The following CPNE4 variants were observed in gnomAD, a reference collection of about 807,000 sequenced individuals.
CPNE4 encodes the protein copine 4.
Under a neutral mutation model 67.9 loss-of-function variants are expected in CPNE4, and 25 were observed. That is an observed-to-expected ratio of 0.37 (90% CI 0.27 to 0.51). CPNE4 has a LOEUF of 0.51. Ranked by LOEUF, CPNE4 falls within the 20% of genes least tolerant of loss-of-function variation. CPNE4 has a pLI of 0.93. For synonymous variants in CPNE4, 242 were observed against 244.9 expected (o/e 0.99, Z 0.11); for missense variants, 464 against 690.8 (o/e 0.67, Z 3.68).
At chr3:131,973,618 G>T (rs1307017906) in intron 1 of CPNE4, among the ~76,000 whole-genome samples, 1 of 152,100 alleles carries the variant, frequency 6.6e-6, no homozygotes, top group Non-Finnish European at 1.5e-5. Flanking sequence ...TGGCAGAGCT[G>T]GTATTCAAAC....
In CPNE4 at chr3:131,905,309, G is replaced by A. The variant is rs1473802032; in HGVS notation, c.135C>T (p.Asp45=). The change falls in exon 2 of 16, where the codon GAC becomes GAT. Residue 45 remains aspartate (D), a synonymous_variant. Coordinates refer to ENST00000429747, the MANE Select transcript of CPNE4 (RefSeq NM_130808.3). ...ACTGCATCTTGAGGATGACACAGGGGTCTGGTTTGGAAAGGGCATCTCTGT... is the reference window on the plus strand; with the variant it reads ...ACTGCATCTTGAGGATGACACAGGGATCTGGTTTGGAAAGGGCATCTCTGT... ...ISDRDALSKP[D]PCVILKMQSH... 1.2e-6 allele frequency: 2 copies of A among 1,613,418 alleles called. No individual in the cohort carries two copies. The highest frequency in any genetic ancestry group is 2.7e-5 in the African/African-American group (2 of 74,862).
intron 2 of CPNE4, among the ~76,000 whole-genome samples, chr3:131,860,912 C>T (rs774787342): frequency 4.1e-4 from 62 of 152,204 alleles, no homozygotes; most frequent in Middle Eastern, 3.4e-3. Context: ...GTGCTCTGTC[C>T]GACTTCTGGA....
chr3:131,931,161 G>A (rs949218781), intron 1 of CPNE4, among the ~76,000 whole-genome samples: 1 of 152,086 alleles, frequency 6.6e-6, no homozygotes, highest in African/African-American at 2.4e-5. Flanking sequence ...AACAAAACTT[G>A]CTCTCCCGAT....
At position 131,555,229 on chromosome 3, in the gene CPNE4, G is replaced by C. The variant is rs12106986; in HGVS notation, c.1116+268C>G. Among the ~76,000 whole-genome samples the C allele has an allele frequency of 0.079, 11,947 of 152,010 alleles. 1,582 individuals carry two copies. Among genetic ancestry groups the C allele is most frequent in the African/African-American group, 0.27 (11,263 of 41,434 alleles). On this transcript the variant is annotated intron_variant, in intron 12 of 15. Coordinates refer to ENST00000429747, the MANE Select transcript of CPNE4 (RefSeq NM_130808.3). ...GATCAACTTCTTGAGTGTTTTCTCA[G>C]ACTCTGACCACATTTATAAGAAACT...
intron 2 of CPNE4, among the ~76,000 whole-genome samples, chr3:131,776,993 G>A (rs1309531295): frequency 6.6e-6 from 1 of 152,134 alleles, no homozygotes; most frequent in African/African-American, 2.4e-5. Flanking sequence ...GCTCAGGGAA[G>A]TTGGCTAGTG....
intron 4 of CPNE4, among the ~76,000 whole-genome samples, chr3:131,698,744 T>A (rs142944932): frequency 6.6e-6 from 1 of 151,472 alleles, no homozygotes; most frequent in East Asian, 1.9e-4. Flanking sequence ...ACTCCATCTC[T>A]ACTAAAAATA....
intron 1 of CPNE4, among the ~76,000 whole-genome samples, chr3:131,964,100 C>T (rs1044174102): frequency 6.6e-6 from 1 of 152,114 alleles, no homozygotes; most frequent in Non-Finnish European, 1.5e-5. Context: ...GAGTGGGCCT[C>T]CAGCAAACTT....
At chr3:131,850,589 T>C (rs955472166) in intron 2 of CPNE4, among the ~76,000 whole-genome samples, 6 of 152,144 alleles carry the variant, frequency 3.9e-5, no homozygotes, top group Non-Finnish European at 8.8e-5. Flanking sequence ...TGTGGAAGAA[T>C]AGCCATTTAG....
intron 2 of CPNE4, among the ~76,000 whole-genome samples, chr3:131,816,014 G>A (rs1041626678): frequency 1.3e-5 from 2 of 152,186 alleles, no homozygotes; most frequent in Admixed American, 6.6e-5. Context: ...TCTTCCCATA[G>A]TTAGCTTGGC....
At chr3:131,634,229 T>C (rs1030463117) in intron 7 of CPNE4, among the ~76,000 whole-genome samples, 1 of 152,182 alleles carries the variant, frequency 6.6e-6, no homozygotes, top group Non-Finnish European at 1.5e-5. Flanking sequence ...CCTTCAGGTA[T>C]TGGAAACACA....
At chr3:131,536,639 T>C (rs1420129350) in intron 15 of CPNE4, among the ~76,000 whole-genome samples, 1 of 152,248 alleles carries the variant, frequency 6.6e-6, no homozygotes, top group Non-Finnish European at 1.5e-5. Flanking sequence ...TCACAGAGTC[T>C]CAAAATAAGA....
chr3:131,862,486 A>G (rs1025043539), intron 2 of CPNE4, among the ~76,000 whole-genome samples: 10 of 152,008 alleles, frequency 6.6e-5, no homozygotes, highest in Non-Finnish European at 1.5e-5. Context: ...TTCTCCCCCA[A>G]CTAATCTACC....
intron 7 of CPNE4, among the ~76,000 whole-genome samples, chr3:131,590,539 T>C (rs60178009): frequency 0.025 from 3,829 of 152,278 alleles, 83 homozygotes; most frequent in African/African-American, 0.065. Context: ...AGTACTATCG[T>C]AGGAATAGGC....
intron 9 of CPNE4, among the ~76,000 whole-genome samples, chr3:131,579,627 T>C (rs1937658345): frequency 6.6e-6 from 1 of 152,164 alleles, no homozygotes; most frequent in African/African-American, 2.4e-5. Flanking sequence ...TCAACACTAA[T>C]AGGAGTTTGG....
chr3:131,856,523 T>G (rs955090647), intron 2 of CPNE4, among the ~76,000 whole-genome samples: 3 of 151,994 alleles, frequency 2.0e-5, no homozygotes, highest in African/African-American at 7.2e-5. Context: ...CAGAATATAA[T>G]GAATATTTGC....
intron 13 of CPNE4, among the ~76,000 whole-genome samples, chr3:131,550,742 C>A (rs1192565366): frequency 6.6e-6 from 1 of 152,058 alleles, no homozygotes; most frequent in Non-Finnish European, 1.5e-5. Flanking sequence ...AGCAAAGTGG[C>A]TGATATACTC....
At chr3:131,658,487 C>T (rs1026944422) in intron 7 of CPNE4, among the ~76,000 whole-genome samples, 1 of 152,186 alleles carries the variant, frequency 6.6e-6, no homozygotes, top group African/African-American at 2.4e-5. Context: ...CAAGAAAGAA[C>T]AATTCACACA....
intron 5 of CPNE4, among the ~76,000 whole-genome samples, chr3:131,696,204 T>A (rs1011848975): frequency 6.6e-6 from 1 of 152,194 alleles, no homozygotes; most frequent in African/African-American, 2.4e-5. Flanking sequence ...ACATAGGTGC[T>A]CAATAAATGT....
chr3:131,702,309 C>T (rs776768096), intron 3 of CPNE4, among the ~76,000 whole-genome samples: 2 of 152,164 alleles, frequency 1.3e-5, no homozygotes, highest in Admixed American at 6.5e-5. Context: ...TTGGCCCCCA[C>T]TGTATGCTAG....
Sources: gnomAD v4.1 joint callset for allele counts (sites outside exome capture counted in the v4.1 genomes callset) on GRCh38, gnomAD v4.1.1 for gene constraint, MANE v1.5 for transcripts, NCBI Gene and HGNC (gene_info 2026-07-23, HGNC 2026-07-21) for gene names.